The following EVA1C variants were observed in gnomAD, a reference collection of about 807,000 sequenced individuals.
EVA1C encodes eva-1 homolog C.
EVA1C carries 25 observed loss-of-function variants against 45.4 expected under a neutral mutation model. That is an observed-to-expected ratio of 0.55 (90% CI 0.40 to 0.77). EVA1C has a LOEUF of 0.77. EVA1C is among the 30% of genes least tolerant of loss of function. EVA1C has a pLI of 0.00. For missense variants in EVA1C, 479 were observed against 554.8 expected, an observed-to-expected ratio of 0.86 and a Z score of 1.37; for synonymous variants, 190 against 221.2, an observed-to-expected ratio of 0.86 and a Z score of 1.25.
At chr21:32,512,390 C>G (rs2037985248) in intron 7 of EVA1C, among the ~76,000 whole-genome samples, 1 of 152,192 alleles carries the variant, frequency 6.6e-6, no homozygotes, top group South Asian at 2.1e-4. Flanking sequence ...AGTAGCAAGT[C>G]CATAGTTACC....
Position 32,502,004 on chromosome 21 carries a change from CTTTCTT to C in EVA1C, c.859+511_859+516del, listed in dbSNP as rs1944637068. Among the ~76,000 whole-genome samples the C allele has an allele frequency of 1.4e-4, 13 of 89,796 alleles. No homozygotes were observed. In the South Asian group the frequency reaches 3.4e-3, roughly 23 times the overall value. The allele number at this position is 89,796 out of a possible 152,430, so 58.9% of individuals were successfully genotyped here. ...CGCTCTTTTCTTTCTTTCTTTCTTT[CTTTCTT>C]TCTTTCTTTCTTTCTTTCTTTCTTT... On this transcript the variant is annotated intron_variant, in intron 6 of 7. Transcript: ENST00000300255.
At chr21:32,480,902 G>A (rs531252715) in intron 4 of EVA1C, among the ~76,000 whole-genome samples, 11 of 151,966 alleles carry the variant, frequency 7.2e-5, no homozygotes, top group Admixed American at 2.0e-4. Context: ...GGCAGAGGTC[G>A]CAGTGTGCTG....
chr21:32,484,262 A>G (rs1478790468), intron 4 of EVA1C, among the ~76,000 whole-genome samples: 1 of 152,052 alleles, frequency 6.6e-6, no homozygotes, highest in Non-Finnish European at 1.5e-5. Flanking sequence ...CTTGGGGTGG[A>G]CCAGGCGCAG....
chr21:32,467,459 T>C (rs1398815983), intron 3 of EVA1C, among the ~76,000 whole-genome samples: 2 of 152,178 alleles, frequency 1.3e-5, no homozygotes, highest in Admixed American at 1.3e-4. Flanking sequence ...CTCTCCTCCA[T>C]TTGCCCCTTA....
At chr21:32,496,181 C>G (rs1290024372) in intron 5 of EVA1C, among the ~76,000 whole-genome samples, 2 of 152,186 alleles carry the variant, frequency 1.3e-5, no homozygotes, top group East Asian at 3.9e-4. Context: ...CATCCCCAGG[C>G]AACCACCCAT....
At chr21:32,507,763 T>C (rs1239168438) in intron 7 of EVA1C, among the ~76,000 whole-genome samples, 2 of 149,846 alleles carry the variant, frequency 1.3e-5, no homozygotes, top group East Asian at 3.9e-4. Flanking sequence ...TGTTTGCGTG[T>C]GTGTGCATGT....
At chr21:32,458,077 A>G (rs992404419) in intron 3 of EVA1C, among the ~76,000 whole-genome samples, 1 of 152,184 alleles carries the variant, frequency 6.6e-6, no homozygotes. Context: ...TCTGCGTTTC[A>G]GAGGTGTCTT....
intron 4 of EVA1C, among the ~76,000 whole-genome samples, chr21:32,494,364 TAAAC>T (rs954968189): frequency 1.3e-5 from 2 of 152,154 alleles, no homozygotes; most frequent in South Asian, 2.1e-4. Context: ...ATTCTCAAAA[TAAAC>T]AAACAAATAA....
intron 1 of EVA1C, among the ~76,000 whole-genome samples, chr21:32,429,930 G>C (rs2034634214): frequency 6.6e-6 from 1 of 152,008 alleles, no homozygotes; most frequent in East Asian, 1.9e-4. Flanking sequence ...GCTTATGAAG[G>C]CTTGGAAATC....
At chr21:32,423,070 C>CAAAAAAAAAAAAAAAAAA (rs3056306) in intron 1 of EVA1C, among the ~76,000 whole-genome samples, 2 of 85,600 alleles carry the variant, frequency 2.3e-5, no homozygotes, top group African/African-American at 9.2e-5. Context: ...GACTCTGTCT[C>CAAAAAAAAAAAAAAAAAA]AAAAAAAAAA....
At position 32,501,444 on chromosome 21, in the gene EVA1C, C is replaced by G; in HGVS notation, c.808C>G (p.Pro270Ala). 6.3e-7 allele frequency: 1 copy of G among 1,594,060 alleles called. No individual in the cohort carries two copies. ...CAAGAACATACTCACAGCGATTGAT[C>G]CAGCCATTGCTAATCTAAAACCTTC... ...VPKNILTAID[P>A]AIANLKPSLK... Residue 270 changes from proline (P) to alanine (A), a missense_variant, in exon 6 of 8, where the codon CCA (proline) becomes GCA (alanine). Coordinates refer to ENST00000300255, the MANE Select transcript of EVA1C (RefSeq NM_058187.5).
intron 7 of EVA1C, among the ~76,000 whole-genome samples, chr21:32,505,025 G>T (rs562210503): frequency 6.6e-6 from 1 of 152,158 alleles, no homozygotes; most frequent in East Asian, 1.9e-4. Context: ...ATCAGATCTC[G>T]TGAGACTTAT....
intron 1 of EVA1C, among the ~76,000 whole-genome samples, chr21:32,423,570 T>G (rs564953284): frequency 1.3e-5 from 2 of 152,178 alleles, no homozygotes; most frequent in East Asian, 3.9e-4. Flanking sequence ...AGCTTGGAAC[T>G]GAGTGTTTGG....
intron 4 of EVA1C, among the ~76,000 whole-genome samples, chr21:32,470,462 CCAAATGGGGCAGAGAGGCA>C (rs1357557184): frequency 6.6e-6 from 1 of 152,188 alleles, no homozygotes; most frequent in Non-Finnish European, 1.5e-5. Context: ...GGCTCAGCAG[CCAAATGGGGCAGAGAGGCA>C]CGTGTGAGGT....
At chr21:32,495,920 T>A (rs995918695) in intron 5 of EVA1C, among the ~76,000 whole-genome samples, 2 of 152,340 alleles carry the variant, frequency 1.3e-5, no homozygotes, top group Admixed American at 1.3e-4. Flanking sequence ...TGATACCTAT[T>A]CTCTTGGAAA....
At position 32,457,732 on chromosome 21, in the gene EVA1C, C is replaced by G; in HGVS notation, c.481+12C>G. On this transcript the variant is annotated intron_variant, in intron 3 of 7. Coordinates refer to ENST00000300255, the MANE Select transcript of EVA1C (RefSeq NM_058187.5). ...TAAATGCCAACCTAGTAAGTAACTT[C>G]GGAGGGGGACAGTGTGTTTGGGGTG... 1 of 1,614,018 alleles carries G rather than the reference C, an allele frequency of 6.2e-7. No individual in the cohort carries two copies. The highest frequency in any genetic ancestry group is 8.5e-7 in the Non-Finnish European group (1 of 1,179,938).
chr21:32,507,614 G>T (rs1172539254), intron 7 of EVA1C, among the ~76,000 whole-genome samples: 1 of 151,578 alleles, frequency 6.6e-6, no homozygotes, highest in African/African-American at 2.4e-5. Context: ...GTGTACATGT[G>T]TGTACATGCG....
chr21:32,504,048 T>C, intron 7 of EVA1C, 33 bp downstream of exon 7: 1 of 1,420,560 alleles, frequency 7.0e-7, no homozygotes, highest in Non-Finnish European at 9.9e-7. Context: ...CCTAGAATGC[T>C]GATGGATTTA....
At chr21:32,445,460 G>A (rs1457810876) in intron 1 of EVA1C, among the ~76,000 whole-genome samples, 1 of 152,158 alleles carries the variant, frequency 6.6e-6, no homozygotes, top group East Asian at 1.9e-4. Context: ...TATCTTTGTA[G>A]CCGTCTTAGT....
Sources: gnomAD v4.1 joint callset for allele counts (sites outside exome capture counted in the v4.1 genomes callset) on GRCh38, gnomAD v4.1.1 for gene constraint, MANE v1.5 for transcripts, NCBI Gene and HGNC (gene_info 2026-07-23, HGNC 2026-07-21) for gene names.